The following SNTG1 variants were observed in gnomAD, a reference collection of about 807,000 sequenced individuals.
SNTG1 encodes syntrophin gamma 1.
Under a neutral mutation model 74.7 loss-of-function variants are expected in SNTG1, and 39 were observed. The observed-to-expected ratio is 0.52, with a 90% confidence interval of 0.40 to 0.68. SNTG1 has a LOEUF of 0.68. SNTG1 is among the 30% of genes least tolerant of loss of function. SNTG1 has a pLI of 0.00. For missense variants in SNTG1, 685 were observed against 609.5 expected (o/e 1.12, Z -1.30); for synonymous variants, 254 against 217.1 (o/e 1.17, Z -1.49).
chr8:50,379,687 C>T (rs900254420), intron 2 of SNTG1, among the ~76,000 whole-genome samples: 2 of 152,234 alleles, frequency 1.3e-5, no homozygotes, highest in Non-Finnish European at 2.9e-5. Flanking sequence ...GTTAAAAGTG[C>T]ATAAAACATC....
rs908275310 is a variant in SNTG1, at chr8:50,247,478, T to TA, written c.-28+74844dup. Among the ~76,000 whole-genome samples, 7 of 152,178 alleles carry TA rather than the reference T, an allele frequency of 4.6e-5. 1 individual carries two copies. The highest frequency in any genetic ancestry group is 1.7e-4 in the African/African-American group (7 of 41,432). ...CATGTTATCTTAAGTTAGTGCAACT[T>TA]ACTTTGGTGCAAAAAAATTGAAATC... is the stretch of plus-strand genomic sequence containing the variant. On this transcript the variant is annotated intron_variant, in intron 2 of 18. Transcript: ENST00000642720.
rs547064455 is a variant in SNTG1 at position 50,557,671 on chromosome 8, G to A, written c.810+4492G>A. ...GTCATTGGTCCCAGGGCCCACTCAG[G>A]TATTCCAGTCTGACCTCAAGATCTT... On this transcript the variant is annotated intron_variant, in intron 12 of 18. Transcript: ENST00000642720. Among the ~76,000 whole-genome samples the A allele has an allele frequency of 7.9e-5, 12 of 152,278 alleles. 1 individual carries two copies. Among genetic ancestry groups the A allele is most frequent in the Admixed American group, 7.8e-4 (12 of 15,290 alleles).
At chr8:49,988,323 C>T (rs1246839818) in intron 1 of SNTG1, among the ~76,000 whole-genome samples, 1 of 152,088 alleles carries the variant, frequency 6.6e-6, no homozygotes, top group Non-Finnish European at 1.5e-5. Flanking sequence ...GTTACAGTAA[C>T]TTCTAGATGC....
chr8:49,921,400 G>A (rs1806534454), intron 1 of SNTG1, among the ~76,000 whole-genome samples: 1 of 152,012 alleles, frequency 6.6e-6, no homozygotes, highest in African/African-American at 2.4e-5. Flanking sequence ...ATCCTGGAGA[G>A]AACGATTTCT....
At chr8:50,104,701 G>A (rs1412550402) in intron 1 of SNTG1, among the ~76,000 whole-genome samples, 1 of 152,098 alleles carries the variant, frequency 6.6e-6, no homozygotes, top group Non-Finnish European at 1.5e-5. Context: ...TGGGCATTTA[G>A]TGCTATAAAT....
chr8:50,668,610 T>G (rs1409470492), intron 15 of SNTG1, among the ~76,000 whole-genome samples: 5 of 151,588 alleles, frequency 3.3e-5, no homozygotes, highest in Admixed American at 6.6e-5. Flanking sequence ...CCATGGTGAT[T>G]TCCTGCACCT....
rs746660228 is a variant in SNTG1 at position 50,438,550 on chromosome 8, C to T, written c.170C>T (p.Thr57Met). ...AAAAATCCTGTCTTTCAGGAAAGAACGGTGACCATCAGAAGACAAACAGTA... is the reference window on the plus strand; with the variant it reads ...AAAAATCCTGTCTTTCAGGAAAGAATGGTGACCATCAGAAGACAAACAGTA... Reference protein sequence around the residue: ...SGEPFYSGERTVTIRRQTVGG... With the variant: ...SGEPFYSGERMVTIRRQTVGG... Residue 57 changes from threonine to methionine, a missense_variant, in exon 5 of 19, where the codon ACG becomes ATG. Coordinates refer to ENST00000642720, the MANE Select transcript of SNTG1 (RefSeq NM_018967.5). 2.2e-5 allele frequency: 35 copies of T among 1,612,632 alleles called. No individual in the cohort carries two copies. The highest frequency in any genetic ancestry group is 2.5e-5 in the Non-Finnish European group (30 of 1,179,220).
intron 1 of SNTG1, among the ~76,000 whole-genome samples, chr8:49,938,544 C>CTT (rs148899024): frequency 9.5e-6 from 1 of 105,086 alleles, no homozygotes; most frequent in Non-Finnish European, 2.0e-5. Context: ...CTTACCATGC[C>CTT]TTCTTTTCTT....
chr8:50,439,351 T>G (rs1326257342), intron 5 of SNTG1, among the ~76,000 whole-genome samples: 1 of 152,088 alleles, frequency 6.6e-6, no homozygotes, highest in African/African-American at 2.4e-5. Context: ...GTTATTTGAC[T>G]TATATAGGGT....
chr8:50,726,575 C>T (rs573321560), intron 17 of SNTG1, among the ~76,000 whole-genome samples: 29 of 152,260 alleles, frequency 1.9e-4, no homozygotes, highest in Middle Eastern at 3.4e-3. Context: ...TGAGGCTGGG[C>T]GCACTGGCTC....
chr8:50,164,295 A>C (rs2082535948), intron 1 of SNTG1: 1 of 151,934 alleles, frequency 6.6e-6, no homozygotes, highest in South Asian at 2.1e-4. Context: ...GTTACAAAGA[A>C]CTTTGCGTAT....
At chr8:50,077,958 G>A (rs984000563) in intron 1 of SNTG1, among the ~76,000 whole-genome samples, 4 of 152,082 alleles carry the variant, frequency 2.6e-5, no homozygotes, top group Admixed American at 2.0e-4. Flanking sequence ...TGTGATGTGT[G>A]TATTTATGTA....
rs193266459 is a variant in SNTG1, at chr8:50,508,775, T to C, written c.466+5895T>C. Among the ~76,000 whole-genome samples the C allele has an allele frequency of 9.8e-5, 15 of 152,348 alleles. No homozygotes were observed. In the East Asian group the frequency reaches 2.7e-3, roughly 27 times the overall value. On this transcript the variant is annotated intron_variant, in intron 9 of 18. Coordinates refer to ENST00000642720, the MANE Select transcript of SNTG1 (RefSeq NM_018967.5). ...CACATTTTGATGGGATTGTTTGTTTTTTTCTTGTAAATTTGTTTGAGTTCA... is the reference window on the plus strand; with the variant it reads ...CACATTTTGATGGGATTGTTTGTTTCTTTCTTGTAAATTTGTTTGAGTTCA...
intron 2 of SNTG1, among the ~76,000 whole-genome samples, chr8:50,200,532 C>T (rs185968818): frequency 1.3e-5 from 2 of 152,146 alleles, no homozygotes; most frequent in Non-Finnish European, 2.9e-5. Context: ...TTGTAATTCT[C>T]TGCTCTCTCT....
At chr8:49,966,929 T>A (rs1811195374) in intron 1 of SNTG1, among the ~76,000 whole-genome samples, 1 of 152,222 alleles carries the variant, frequency 6.6e-6, no homozygotes, top group Admixed American at 6.5e-5. Flanking sequence ...GATGTTTATG[T>A]AAATTTAGTG....
chr8:50,480,647 T>C (rs2093732637), intron 8 of SNTG1, among the ~76,000 whole-genome samples: 1 of 152,218 alleles, frequency 6.6e-6, no homozygotes, highest in Non-Finnish European at 1.5e-5. Context: ...TAGTAATCTT[T>C]AAAGTGTTTC....
In SNTG1 at chr8:50,449,350, T is replaced by C. The variant is rs751521987; in HGVS notation, c.220-318T>C. ...ACAGTAATATATAATTATCTGGTGT[T>C]TGGAATCCTAAATAAGAATTTCTAT... On this transcript the variant is annotated intron_variant, in intron 5 of 18. Transcript: ENST00000642720. 2.6e-5 allele frequency among the ~76,000 whole-genome samples: 4 copies of C among 152,350 alleles called. No homozygotes were observed. The South Asian group carries it at 6.2e-4, about 24-fold the overall frequency.
intron 4 of SNTG1, among the ~76,000 whole-genome samples, chr8:50,411,382 A>G (rs2092946396): frequency 6.6e-6 from 1 of 151,060 alleles, no homozygotes; most frequent in Non-Finnish European, 1.5e-5. Context: ...TGGGAGGCAG[A>G]GCTTGCAGTG....
chr8:50,286,814 A>G (rs1002513620), intron 2 of SNTG1: 23 of 152,302 alleles, frequency 1.5e-4, no homozygotes, highest in African/African-American at 5.1e-4. Flanking sequence ...TGTTATTTCA[A>G]TACAGAAGGC....
Sources: gnomAD v4.1 joint callset for allele counts (sites outside exome capture counted in the v4.1 genomes callset) on GRCh38, gnomAD v4.1.1 for gene constraint, MANE v1.5 for transcripts, NCBI Gene and HGNC (gene_info 2026-07-23, HGNC 2026-07-21) for gene names.